Variants in ANKS1B observed in about 807,000 individuals in gnomAD.
ANKS1B encodes ankyrin repeat and sterile alpha motif domain-containing protein 1B.
Under a neutral mutation model 148.3 loss-of-function variants are expected in ANKS1B, and 36 were observed. That is an observed-to-expected ratio of 0.24 (90% confidence interval 0.19 to 0.32). The LOEUF (loss-of-function observed/expected upper bound fraction) is 0.32, where lower values mean the gene tolerates loss of function less well. ANKS1B is among the 10% of genes least tolerant of loss of function. The pLI, the probability that ANKS1B is intolerant of heterozygous loss-of-function variation, is 1.00. For synonymous variants in ANKS1B, 542 were observed against 560.8 expected (o/e 0.97, Z 0.47); for missense variants, 1,157 against 1,542.6 (o/e 0.75, Z 4.19).
intron 17 of ANKS1B, among the ~76,000 whole-genome samples, chr12:98,974,665 G>A (rs1470429552): frequency 6.6e-6 from 1 of 152,102 alleles, no homozygotes; most frequent in East Asian, 1.9e-4. Context: ...TGACACTTAA[G>A]AATCCAAGAG....
chr12:99,822,061 A>G (rs1186540297), intron 2 of ANKS1B, among the ~76,000 whole-genome samples: 1 of 152,138 alleles, frequency 6.6e-6, no homozygotes, highest in Non-Finnish European at 1.5e-5. Flanking sequence ...AAAGTTTATA[A>G]TAGTTTATGT....
intron 15 of ANKS1B, among the ~76,000 whole-genome samples, chr12:99,122,718 A>G (rs1186088170): frequency 5.3e-5 from 8 of 152,192 alleles, no homozygotes; most frequent in Admixed American, 5.2e-4. Flanking sequence ...AACAACCAGC[A>G]GTCCTCTCAG....
At chr12:99,884,866 C>T (rs4337135) in intron 1 of ANKS1B, among the ~76,000 whole-genome samples, 25,486 of 151,618 alleles carry the variant, frequency 0.17, 2,693 homozygotes, top group Non-Finnish European at 0.24. Flanking sequence ...GACCTGTACA[C>T]CAAAAACAGT....
At chr12:99,018,810 G>C (rs2099944045) in intron 17 of ANKS1B, among the ~76,000 whole-genome samples, 1 of 152,176 alleles carries the variant, frequency 6.6e-6, no homozygotes, top group Non-Finnish European at 1.5e-5. Context: ...GGATGTAGTA[G>C]AGGGCACCTG....
chr12:98,738,539 AT>A (rs1565913112), intron 9 of ANKS1B, among the ~76,000 whole-genome samples: 1 of 152,162 alleles, frequency 6.6e-6, no homozygotes, highest in Non-Finnish European at 1.5e-5. Flanking sequence ...CCCAACTCTC[AT>A]TTATCTTCAC....
rs776860766 is a variant in ANKS1B at position 99,574,220 on chromosome 12, C to T, written c.1273-69579G>A. Among the ~76,000 whole-genome samples the T allele has an allele frequency of 3.9e-5, 6 of 152,114 alleles. No individual in the cohort carries two copies. The South Asian group carries it at 8.3e-4, about 21-fold the overall frequency. On this transcript the variant is annotated intron_variant, in intron 9 of 26. Coordinates refer to ENST00000683438, the MANE Select transcript of ANKS1B (RefSeq NM_001352186.2). ...TCACAGTTCAACTTCTTTTGTTCCA[C>T]CTTATTCCTTTCACTCCTTTACTGT...
chr12:98,846,214 G>A lies in ANKS1B; in HGVS notation c.2779-14078C>T, dbSNP rs12311998. Among the ~76,000 whole-genome samples the A allele has an allele frequency of 3.9e-3, 587 of 152,284 alleles. 3 individuals are homozygous for A. Among genetic ancestry groups the A allele is most frequent in the African/African-American group, 0.013 (556 of 41,552 alleles). On this transcript the variant is annotated intron_variant, in intron 17 of 26. Coordinates refer to ENST00000683438, the MANE Select transcript of ANKS1B (RefSeq NM_001352186.2). ...TGCACACTGGCTCCAGCAGTATCCTGTAAGATTTAGCTCTTTTAAATAAAG... is the reference window on the plus strand; with the variant it reads ...TGCACACTGGCTCCAGCAGTATCCTATAAGATTTAGCTCTTTTAAATAAAG...
intron 11 of ANKS1B, among the ~76,000 whole-genome samples, chr12:99,425,073 T>A (rs2095219242): frequency 6.6e-6 from 1 of 152,018 alleles, no homozygotes; most frequent in African/African-American, 2.4e-5. Context: ...TCTGCTGTGA[T>A]TCTGGGGGCT....
intron 4 of ANKS1B, among the ~76,000 whole-genome samples, chr12:99,795,295 A>G (rs2066115542): frequency 6.6e-6 from 1 of 151,886 alleles, no homozygotes. Context: ...CCTAAAAAGA[A>G]ATAATAATTA....
In ANKS1B at chr12:98,745,380, T is replaced by TTTTTTTTTTTTTTTTTTTTA; in HGVS notation, c.*339_*358dup. On this transcript the variant is annotated 3_prime_UTR_variant, in exon 27 of 27. Coordinates refer to ENST00000683438, the MANE Select transcript of ANKS1B (RefSeq NM_001352186.2). ...AGTATTAGAGATCCCCTTTACTTTT[T>TTTTTTTTTTTTTTTTTTTTA]TTTTTTTTTTTTTTTTTTTAAAGAA... 1 of 621,662 alleles carries TTTTTTTTTTTTTTTTTTTTA rather than the reference T, an allele frequency of 1.6e-6. No homozygotes were observed. Among genetic ancestry groups the TTTTTTTTTTTTTTTTTTTTA allele is most frequent in the Non-Finnish European group, 2.0e-6 (1 of 497,638 alleles). 38.5% of individuals were successfully genotyped at this position (621,662 alleles called of 1,614,324 possible).
chr12:99,220,650 T>C (rs1005446613), intron 14 of ANKS1B, among the ~76,000 whole-genome samples: 2 of 151,610 alleles, frequency 1.3e-5, no homozygotes, highest in African/African-American at 4.8e-5. Flanking sequence ...GGTTTCACCA[T>C]GTTAGCCAGG....
intron 17 of ANKS1B, among the ~76,000 whole-genome samples, chr12:99,050,761 T>C (rs2099965466): frequency 6.8e-6 from 1 of 146,944 alleles, no homozygotes; most frequent in African/African-American, 2.5e-5. Flanking sequence ...GCGCGATCTC[T>C]GCTCACTGCA....
chr12:99,145,592 C>T (rs2072766810), intron 15 of ANKS1B, among the ~76,000 whole-genome samples: 2 of 152,046 alleles, frequency 1.3e-5, no homozygotes, highest in South Asian at 4.1e-4. Flanking sequence ...AGCAGACATC[C>T]TCTTGACAAG....
At chr12:99,558,523 A>C (rs1021137524) in intron 9 of ANKS1B, among the ~76,000 whole-genome samples, 1 of 152,100 alleles carries the variant, frequency 6.6e-6, no homozygotes, top group Non-Finnish European at 1.5e-5. Context: ...GGGAGGCTGT[A>C]GTGGGTGAGG....
chr12:99,722,789 A>G (rs573023700), intron 8 of ANKS1B, among the ~76,000 whole-genome samples: 1 of 152,346 alleles, frequency 6.6e-6, no homozygotes, highest in East Asian at 1.9e-4. Flanking sequence ...AAAAAGAACC[A>G]TAATAGCATG....
At chr12:98,735,405 T>C (rs2097768260) in exon 10 of ANKS1B, 1 of 427,858 alleles carries the variant, frequency 2.3e-6, no homozygotes, top group Non-Finnish European at 4.2e-6. Context: ...TTTGTAAAAA[T>C]AAAATTCACA....
intron 1 of ANKS1B, among the ~76,000 whole-genome samples, chr12:99,931,355 A>T (rs561113061): frequency 6.5e-4 from 96 of 147,158 alleles, no homozygotes; most frequent in Middle Eastern, 3.6e-3. Context: ...AATAAAATTT[A>T]AAAAAAAAGA....
At chr12:98,999,895 G>A (rs932376112) in intron 17 of ANKS1B, among the ~76,000 whole-genome samples, 5 of 152,192 alleles carry the variant, frequency 3.3e-5, no homozygotes, top group African/African-American at 7.2e-5. Context: ...CCCACAGTGT[G>A]AAGGAGGCTA....
intron 17 of ANKS1B, among the ~76,000 whole-genome samples, chr12:98,905,625 A>G (rs560145732): frequency 6.6e-6 from 1 of 152,232 alleles, no homozygotes; most frequent in East Asian, 1.9e-4. Flanking sequence ...TTTAAAAATT[A>G]GCCTGGCATG....
Sources: gnomAD v4.1 joint callset for allele counts (sites outside exome capture counted in the v4.1 genomes callset) on GRCh38, gnomAD v4.1.1 for gene constraint, MANE v1.5 for transcripts, NCBI Gene and HGNC (gene_info 2026-07-23, HGNC 2026-07-21) for gene names.